The following RETREG1 variants were observed in gnomAD, a reference collection of about 807,000 sequenced individuals.
RETREG1 encodes the protein reticulophagy regulator 1.
In RETREG1, 44 loss-of-function variants were observed where a neutral mutation model predicts 54.8. That is an observed-to-expected ratio of 0.80 (90% CI 0.63 to 1.03). The LOEUF is 1.03. RETREG1 is among the 50% of genes least tolerant of loss of function. The pLI is 0.00. For missense variants in RETREG1, 554 were observed against 605.1 expected, an observed-to-expected ratio of 0.92 and a Z score of 0.89; for synonymous variants, 217 against 238.5, an observed-to-expected ratio of 0.91 and a Z score of 0.83.
chr5:16,557,515 C>A (rs1052359224), intron 3 of RETREG1, among the ~76,000 whole-genome samples: 3 of 152,206 alleles, frequency 2.0e-5, no homozygotes, highest in Non-Finnish European at 4.4e-5. Context: ...CAGACCAAAT[C>A]TGAGCAGCTC....
intron 3 of RETREG1, among the ~76,000 whole-genome samples, chr5:16,551,837 T>C (rs571936085): frequency 4.2e-4 from 64 of 152,322 alleles, no homozygotes; most frequent in Non-Finnish European, 7.5e-4. Flanking sequence ...GATGCATTCC[T>C]TTCAGAGGCT....
Position 16,520,328 on chromosome 5 carries a change from G to T in RETREG1, c.459-36856C>A, listed in dbSNP as rs952570064. On this transcript the variant is annotated intron_variant, in intron 3 of 8. Transcript: ENST00000306320. ...TTGGGGGTTTTGTGGTTTTTTTTTTGTTGTTGTTGTTGTTTTTTGAGACAG... is the reference window on the plus strand; with the variant it reads ...TTGGGGGTTTTGTGGTTTTTTTTTTTTTGTTGTTGTTGTTTTTTGAGACAG... 9.5e-4 allele frequency among the ~76,000 whole-genome samples: 143 copies of T among 150,782 alleles called. 1 individual carries two copies. Among genetic ancestry groups the T allele is most frequent in the Middle Eastern group, 3.5e-3 (1 of 288 alleles).
intron 3 of RETREG1, chr5:16,509,025 T>G: frequency 1.0e-6 from 1 of 994,842 alleles, no homozygotes; most frequent in Non-Finnish European, 1.2e-6. Context: ...GCCTGCCCTT[T>G]TTCTTCCCCC....
At chr5:16,580,061 AT>A (rs1742441751) in intron 1 of RETREG1, among the ~76,000 whole-genome samples, 1 of 152,164 alleles carries the variant, frequency 6.6e-6, no homozygotes, top group Admixed American at 6.5e-5. Context: ...TTCAGATACC[AT>A]TTTTGAATCT....
Position 16,493,954 on chromosome 5 carries a change from C to A in RETREG1, c.459-10482G>T, listed in dbSNP as rs145089279. Reference sequence around the variant, plus strand: ...AGCCTTTGTAATAAAAAGCAATAACCTGGAAGATGGCAAACTTGGAGTGAC... The same window carrying A: ...AGCCTTTGTAATAAAAAGCAATAACATGGAAGATGGCAAACTTGGAGTGAC... On this transcript the variant is annotated intron_variant, in intron 3 of 8. Transcript: ENST00000306320. Among the ~76,000 whole-genome samples the A allele has an allele frequency of 1.6e-3, 251 of 152,226 alleles. 2 individuals are homozygous for A. In the South Asian group the frequency reaches 0.032, roughly 19 times the overall value.
chr5:16,477,938 T>C, intron 7 of RETREG1, 96 bp downstream of exon 7: 1 of 1,345,672 alleles, frequency 7.4e-7, no homozygotes, highest in Non-Finnish European at 1.0e-6. Context: ...TACAGAAATA[T>C]GAGGAGTTTA....
intron 1 of RETREG1, among the ~76,000 whole-genome samples, chr5:16,574,892 ATCATTTGTTCC>A (rs1443365651): frequency 6.6e-6 from 1 of 152,186 alleles, no homozygotes; most frequent in African/African-American, 2.4e-5. Flanking sequence ...TTTAGCAACA[ATCATTTGTTCC>A]TCCACTAAAT....
At chr5:16,481,443 C>T (rs1738769937) in intron 4 of RETREG1, among the ~76,000 whole-genome samples, 1 of 152,100 alleles carries the variant, frequency 6.6e-6, no homozygotes, top group Non-Finnish European at 1.5e-5. Flanking sequence ...TTACTTCGCT[C>T]ATTTAAGGAA....
chr5:16,600,362 G>A (rs1258956262), intron 1 of RETREG1, among the ~76,000 whole-genome samples: 1 of 152,210 alleles, frequency 6.6e-6, no homozygotes, highest in East Asian at 1.9e-4. Context: ...GCAAGGTCAG[G>A]AGAGAGGACC....
intron 3 of RETREG1, among the ~76,000 whole-genome samples, chr5:16,552,179 T>C (rs1741563803): frequency 6.6e-6 from 1 of 152,226 alleles, no homozygotes; most frequent in Non-Finnish European, 1.5e-5. Flanking sequence ...GAAGACGTTC[T>C]TTAGCAGCTA....
chr5:16,572,044 G>T lies in RETREG1; in HGVS notation c.379C>A (p.Arg127Ser). ...YHLISVMILG[R>S]VIMQIIKDMV... ...TCCTTTATTATTTGCATAATAACAC[G>T]CCCAAGTATCATGACGGAAATCAGG... Residue 127 changes from arginine to serine, a missense_variant, in exon 2 of 9, where the codon CGT becomes AGT. Arg to Ser is a moderately radical substitution (Grantham distance 110, BLOSUM62 -1). Coordinates refer to ENST00000306320, the MANE Select transcript of RETREG1 (RefSeq NM_001034850.3). The T allele has an allele frequency of 6.2e-7, 1 of 1,613,680 alleles. No individual in the cohort carries two copies.
intron 3 of RETREG1, among the ~76,000 whole-genome samples, chr5:16,547,127 A>G (rs182749616): frequency 6.6e-6 from 1 of 152,340 alleles, no homozygotes; most frequent in Non-Finnish European, 1.5e-5. Flanking sequence ...TTAATAAACA[A>G]TGGAAGTCTA....
chr5:16,593,278 C>G lies in RETREG1; in HGVS notation c.321-21176G>C, dbSNP rs1742824688. On this transcript the variant is annotated intron_variant, in intron 1 of 8. Coordinates refer to ENST00000306320, the MANE Select transcript of RETREG1 (RefSeq NM_001034850.3). The surrounding 1 kb of genome is among the most constrained non-coding windows in gnomAD (Gnocchi z 4.9). Reference sequence around the variant, plus strand: ...ACGCCTTCTGACTCCCACTTGTATGCTGGTTTGCTTGGCCATTTGTTTCCC... The same window carrying G: ...ACGCCTTCTGACTCCCACTTGTATGGTGGTTTGCTTGGCCATTTGTTTCCC... 1.3e-5 allele frequency among the ~76,000 whole-genome samples: 2 copies of G among 152,092 alleles called. No homozygotes were observed. Among genetic ancestry groups the G allele is most frequent in the African/African-American group, 2.4e-5 (1 of 41,404 alleles).
intron 1 of RETREG1, among the ~76,000 whole-genome samples, chr5:16,610,446 A>G (rs4482904): frequency 0.26 from 39,936 of 152,164 alleles, 6,386 homozygotes; most frequent in Non-Finnish European, 0.35. Context: ...CCAAAACCAA[A>G]TCACACCATC....
intron 3 of RETREG1, among the ~76,000 whole-genome samples, chr5:16,506,477 G>GTTTTTTTTT (rs34135867): frequency 1.4e-5 from 2 of 144,516 alleles, no homozygotes; most frequent in African/African-American, 2.6e-5. Flanking sequence ...TTGTTTTTTT[G>GTTTTTTTTT]TTTTTTTTTT....
chr5:16,591,011 C>G (rs994436762), intron 1 of RETREG1, among the ~76,000 whole-genome samples: 14 of 152,102 alleles, frequency 9.2e-5, no homozygotes, highest in Admixed American at 9.2e-4. Context: ...TCTATTACAC[C>G]TCAGTCCAAA....
intron 3 of RETREG1, among the ~76,000 whole-genome samples, chr5:16,540,671 G>A (rs1741213721): frequency 6.6e-6 from 1 of 152,152 alleles, no homozygotes; most frequent in Admixed American, 6.5e-5. Flanking sequence ...ACGGGTGCTG[G>A]GCACTCCACA....
chr5:16,603,633 A>G (rs886284747), intron 1 of RETREG1, among the ~76,000 whole-genome samples: 2 of 152,104 alleles, frequency 1.3e-5, no homozygotes, highest in Non-Finnish European at 2.9e-5. Flanking sequence ...TGCTGCCTCC[A>G]TAACGGCTCC....
intron 1 of RETREG1, among the ~76,000 whole-genome samples, chr5:16,612,793 CAT>C (rs1743386088): frequency 6.6e-6 from 1 of 152,052 alleles, no homozygotes; most frequent in South Asian, 2.1e-4. Context: ...GATAAGAATG[CAT>C]ATGTGTGTGT....
Sources: gnomAD v4.1 joint callset for allele counts (sites outside exome capture counted in the v4.1 genomes callset) on GRCh38, gnomAD v4.1.1 for gene constraint, Gnocchi (gnomAD v3.1) non-coding constraint, MANE v1.5 for transcripts, NCBI Gene and HGNC (gene_info 2026-07-23, HGNC 2026-07-21) for gene names.